The following TCN1 variants were observed in gnomAD, a reference collection of about 807,000 sequenced individuals.
TCN1 encodes transcobalamin-1.
In TCN1, 47 loss-of-function variants were observed where a neutral mutation model predicts 46.3. The observed-to-expected ratio is 1.01, with a 90% confidence interval of 0.80 to 1.29. The LOEUF (loss-of-function observed/expected upper bound fraction) is 1.29. Ranked by LOEUF, TCN1 falls within the 50% of genes most tolerant of loss-of-function variation. The probability of loss-of-function intolerance (pLI) is 0.00; values close to 1 mark genes in which losing one functional copy is unlikely to be tolerated. For missense variants in TCN1, 532 were observed against 511.0 expected, an observed-to-expected ratio of 1.04 and a Z score of -0.40; for synonymous variants, 183 against 192.5, an observed-to-expected ratio of 0.95 and a Z score of 0.41.
At position 59,859,288 on chromosome 11, in the gene TCN1, G is replaced by T. The variant is rs777527397; in HGVS notation, c.557-21C>A. The T allele has an allele frequency of 5.0e-6, 8 of 1,611,034 alleles. No individual in the cohort carries two copies. In the South Asian group the frequency reaches 8.8e-5, roughly 18 times the overall value. On this transcript the variant is annotated intron_variant, in intron 4 of 8. Coordinates refer to ENST00000257264, the MANE Select transcript of TCN1 (RefSeq NM_001062.4). ...AGTATCTGTCAGGAAACAAAACATT[G>T]TTGATAGGCGACCAACCACCTCAGT...
At chr11:59,862,799 T>C (rs778429981) in intron 2 of TCN1, 77 bp from the exon 3 acceptor site, 40 of 1,537,614 alleles carry the variant, frequency 2.6e-5, no homozygotes, top group Non-Finnish European at 3.4e-5. Flanking sequence ...TTGAGACTTA[T>C]ATTGCCTATC....
At position 59,863,786 on chromosome 11, in the gene TCN1, G is replaced by C. The variant is rs1853042583; in HGVS notation, c.259+121C>G. 2.0e-5 allele frequency: 22 copies of C among 1,107,000 alleles called. No individual in the cohort carries two copies. In the South Asian group the frequency reaches 2.9e-4, roughly 14 times the overall value. 68.6% of individuals were successfully genotyped at this position (1,107,000 alleles called of 1,614,324 possible). A position where few individuals can be genotyped will look rare whatever the true frequency, so the allele number is the denominator to read the frequency against. ...GGCATGTTTCTGTTACCTCAAGTTTGGTACCATTAGAAGGGATGTAGCAGG... is the reference window on the plus strand; with the variant it reads ...GGCATGTTTCTGTTACCTCAAGTTTCGTACCATTAGAAGGGATGTAGCAGG... On this transcript the variant is annotated intron_variant, in intron 2 of 8. Coordinates refer to ENST00000257264, the MANE Select transcript of TCN1 (RefSeq NM_001062.4).
intron 5 of TCN1, among the ~76,000 whole-genome samples, chr11:59,858,261 C>G (rs1466729564): frequency 6.6e-6 from 1 of 152,156 alleles, no homozygotes; most frequent in Non-Finnish European, 1.5e-5. Context: ...TGAGTCACTT[C>G]CTGGGTGGAA....
chr11:59,856,023 A>AT lies in TCN1; in HGVS notation c.782dup (p.Asn261LysfsTer2). 4.6e-6 allele frequency: 6 copies of AT among 1,311,872 alleles called. No individual in the cohort carries two copies. Among genetic ancestry groups the AT allele is most frequent in the Non-Finnish European group, 6.0e-6 (6 of 1,000,410 alleles). The allele number at this position is 1,311,872 out of a possible 1,614,324, so 81.3% of individuals were successfully genotyped here. A position where few individuals can be genotyped will look rare whatever the true frequency, so the allele number is the denominator to read the frequency against. The stretch of plus-strand genomic sequence containing the variant: ...TCAGAGTTTGTTGGCAATTCCAGTC[A>AT]TTTTCATTATAATAGTCTGATGATA... On this transcript the variant is annotated frameshift_variant, in exon 6 of 9. Coordinates refer to ENST00000257264, the MANE Select transcript of TCN1 (RefSeq NM_001062.4). LOFTEE classifies it high-confidence loss of function.
chr11:59,854,709 C>T lies in TCN1; in HGVS notation c.1064G>A (p.Gly355Asp), dbSNP rs778890471. The T allele has an allele frequency of 5.6e-6, 9 of 1,613,824 alleles. No homozygotes were observed. In the South Asian group the frequency reaches 6.6e-5, roughly 12 times the overall value. Residue 355 changes from glycine (G) to aspartate (D), a missense_variant, in exon 7 of 9, where the codon GGT (glycine) becomes GAT (aspartate). Physicochemically the swap from Gly to Asp is moderately conservative, Grantham distance 94 (BLOSUM62 -1). Coordinates refer to ENST00000257264, the MANE Select transcript of TCN1 (RefSeq NM_001062.4). ...TYFTNVTVLNGSVFLSVMEKA... is the reference protein window; with the variant it reads ...TYFTNVTVLNDSVFLSVMEKA... ...CTCCATCACACTGAGGAAGACAGAACCATTTAGCACAGTGACATTGGTGAA... is the reference window on the plus strand; with the variant it reads ...CTCCATCACACTGAGGAAGACAGAATCATTTAGCACAGTGACATTGGTGAA...
At position 59,854,736 on chromosome 11, in the gene TCN1, T is replaced by TA. The variant is rs769832288; in HGVS notation, c.1036dup (p.Tyr346LeufsTer25). ...ATTTAGCACAGTGACATTGGTGAAA[T>TA]ATGTTTCATTGATTCTCACAGAGTA... On this transcript the variant is annotated frameshift_variant, in exon 7 of 9. Coordinates refer to ENST00000257264, the MANE Select transcript of TCN1 (RefSeq NM_001062.4). LOFTEE classifies it high-confidence loss of function. 1.9e-5 allele frequency: 31 copies of TA among 1,613,884 alleles called. No homozygotes were observed. Among genetic ancestry groups the TA allele is most frequent in the Non-Finnish European group, 2.6e-5 (31 of 1,179,942 alleles).
intron 6 of TCN1, among the ~76,000 whole-genome samples, chr11:59,855,464 T>A (rs1018447157): frequency 1.3e-5 from 2 of 152,236 alleles, no homozygotes; most frequent in Non-Finnish European, 2.9e-5. Context: ...AATTTTTGAA[T>A]ACTGGCATAT....
intron 1 of TCN1, among the ~76,000 whole-genome samples, chr11:59,864,658 A>G (rs1853053356): frequency 4.6e-5 from 7 of 152,166 alleles, no homozygotes; most frequent in Admixed American, 4.6e-4. Flanking sequence ...GCAGCCTGTA[A>G]AAAACTCTCC....
chr11:59,853,304 C>T lies in TCN1; in HGVS notation c.1139G>A (p.Arg380His), dbSNP rs371448135. Reference protein sequence around the residue: ...DTIFGFTMEERSWGPYITCIQ... With the variant: ...DTIFGFTMEEHSWGPYITCIQ... The stretch of plus-strand genomic sequence containing the variant: ...ACAGGTGATATAGGGCCCCCATGAG[C>T]GCTCCTCCATTGTGAAACTGTGGGT... The change falls in exon 8 of 9, where the codon CGC (arginine) becomes CAC (histidine). Residue 380 changes from arginine to histidine, a missense_variant. Coordinates refer to ENST00000257264, the MANE Select transcript of TCN1 (RefSeq NM_001062.4). The T allele has an allele frequency of 1.7e-5, 27 of 1,613,900 alleles. No homozygotes were observed. Among genetic ancestry groups the T allele is most frequent in the African/African-American group, 4.0e-5 (3 of 74,876 alleles).
intron 4 of TCN1, among the ~76,000 whole-genome samples, chr11:59,861,076 T>C (rs1213642692): frequency 2.0e-5 from 3 of 152,242 alleles, no homozygotes; most frequent in Non-Finnish European, 4.4e-5. Context: ...TTGGACTTTG[T>C]CACTGGAGAG....
chr11:59,863,774 T>C, intron 2 of TCN1, 133 bp downstream of exon 2: 1 of 1,032,912 alleles, frequency 9.7e-7, no homozygotes, highest in South Asian at 1.4e-5. Context: ...ATGTTTCTGT[T>C]ACCTCAAGTT....
intron 3 of TCN1, among the ~76,000 whole-genome samples, chr11:59,862,337 ATGTGTGTG>A (rs373753450): frequency 6.6e-6 from 1 of 151,124 alleles, no homozygotes; most frequent in South Asian, 2.1e-4. Context: ...GTGTGTGTGT[ATGTGTGTG>A]TGTGTTTCTG....
chr11:59,853,203 C>T lies in TCN1; in HGVS notation c.1240G>A (p.Gly414Arg), dbSNP rs1176490759. 1 of 1,614,112 alleles carries T rather than the reference C, an allele frequency of 6.2e-7. No homozygotes were observed. Among genetic ancestry groups the T allele is most frequent in the Non-Finnish European group, 8.5e-7 (1 of 1,180,002 alleles). ...TCTTTTTGGCATGTCTCTCCCTTAC[C>T]TTGGCTCAGTGGTTCGCCTCCACTC... ...LLSGGEPLSQ[G>R]AGSYVVRNGE... The change falls in exon 8 of 9, where the codon GGA becomes AGA. Residue 414 changes from glycine to arginine, a missense_variant and splice_region_variant. Gly to Arg is a moderately radical substitution (Grantham distance 125). Transcript: ENST00000257264.
At chr11:59,862,895 T>G (rs1853032442) in intron 2 of TCN1, among the ~76,000 whole-genome samples, 173 bp from the exon 3 acceptor site, 1 of 152,206 alleles carries the variant, frequency 6.6e-6, no homozygotes, top group Non-Finnish European at 1.5e-5. Flanking sequence ...TAAGCGATTT[T>G]GTCATTGTGC....
intron 1 of TCN1, among the ~76,000 whole-genome samples, chr11:59,866,067 G>C (rs1036962861): frequency 6.6e-6 from 1 of 152,142 alleles, no homozygotes; most frequent in Admixed American, 6.5e-5. Context: ...CCATGATCTA[G>C]AAAAGTTTCT....
At chr11:59,860,274 A>G (rs1252427171) in intron 4 of TCN1, among the ~76,000 whole-genome samples, 1 of 151,492 alleles carries the variant, frequency 6.6e-6, no homozygotes, top group African/African-American at 2.4e-5. Flanking sequence ...GGATTACAGG[A>G]GTGAGCCACC....
Position 59,862,680 on chromosome 11 carries a change from G to A in TCN1, c.302C>T (p.Ala101Val), listed in dbSNP as rs1342518776. 3 of 1,613,658 alleles carry A rather than the reference G, an allele frequency of 1.9e-6. No individual in the cohort carries two copies. Among genetic ancestry groups the A allele is most frequent in the Non-Finnish European group, 2.5e-6 (3 of 1,179,872 alleles). ...CTCAGCGTTACGACATACTCCCAAA[G>A]CCAGTATAATCAAGGCAAGCTCTCC... ...SSGELALIIL[A>V]LGVCRNAEEN... Residue 101 changes from alanine to valine, a missense_variant, in exon 3 of 9, where the codon GCT (alanine) becomes GTT (valine). Transcript: ENST00000257264.
intron 5 of TCN1, among the ~76,000 whole-genome samples, chr11:59,856,468 A>T (rs1251192102): frequency 6.6e-6 from 1 of 151,976 alleles, no homozygotes; most frequent in East Asian, 1.9e-4. Flanking sequence ...TCAAAAGAGG[A>T]GAGGAGCTCA....
chr11:59,855,039 A>C (rs1381535557), intron 6 of TCN1, among the ~76,000 whole-genome samples: 23 of 152,314 alleles, frequency 1.5e-4, no homozygotes, highest in South Asian at 8.3e-4. Context: ...CAGCTTGTGA[A>C]TGTTGGCACT....
Sources: allele counts gnomAD v4.1 joint callset (sites outside exome capture counted in the v4.1 genomes callset), GRCh38; gene constraint gnomAD v4.1.1; transcripts MANE v1.5; gene names NCBI Gene and HGNC (gene_info 2026-07-23, HGNC 2026-07-21).